The following FAM200B variants were observed in gnomAD, a reference collection of about 807,000 sequenced individuals.
The protein encoded by FAM200B is zinc finger BED-type containing 11, also known as protein FAM200B.
FAM200B carries 32 observed loss-of-function variants against 33.1 expected under a neutral mutation model. The ratio of observed to expected loss-of-function variants is 0.97; its 90% CI spans 0.73 to 1.30. FAM200B has a LOEUF of 1.30. Ranked by LOEUF, FAM200B falls within the 50% of genes most tolerant of loss-of-function variation. The pLI is 0.00. For synonymous variants in FAM200B, 240 were observed against 264.8 expected, an observed-to-expected ratio of 0.91 and a Z score of 0.91; for missense variants, 741 against 754.0, an observed-to-expected ratio of 0.98 and a Z score of 0.20.
chr4:15,650,050 G>A, the FAM200B span, among the ~76,000 whole-genome samples: 1 of 152,272 alleles, frequency 6.6e-6, no homozygotes, highest in East Asian at 1.9e-4. Flanking sequence ...CACCAAGGCA[G>A]TAATTTTGCC....
At chr4:15,640,393 G>GAAAAA in the FAM200B span, among the ~76,000 whole-genome samples, 246 of 91,572 alleles carry the variant, frequency 2.7e-3, 6 homozygotes, top group Middle Eastern at 7.0e-3. Context: ...CTACACTACT[G>GAAAAA]AAAAAAAAAA....
At chr4:15,664,730 G>T in the FAM200B span, among the ~76,000 whole-genome samples, 1 of 151,612 alleles carries the variant, frequency 6.6e-6, no homozygotes, top group African/African-American at 2.4e-5. Context: ...GCTAACTTTT[G>T]TATTTTTTAG....
chr4:15,655,582 T>TCTTTC, the FAM200B span, among the ~76,000 whole-genome samples: 1 of 152,196 alleles, frequency 6.6e-6, no homozygotes, highest in Non-Finnish European at 1.5e-5. Flanking sequence ...TTTCCCTGTT[T>TCTTTC]CTTTCACTAC....
the FAM200B span, among the ~76,000 whole-genome samples, chr4:15,664,258 G>C: frequency 1.3e-5 from 2 of 152,050 alleles, no homozygotes; most frequent in African/African-American, 4.8e-5. Flanking sequence ...TACAGACCTA[G>C]TATGGGCCCT....
chr4:15,684,089 A>T (rs986377123), intron 1 of FAM200B, among the ~76,000 whole-genome samples: 2 of 152,248 alleles, frequency 1.3e-5, no homozygotes, highest in African/African-American at 4.8e-5. Flanking sequence ...GAATAAAGTT[A>T]TTACTTGGAA....
chr4:15,668,108 A>AATG, the FAM200B span, among the ~76,000 whole-genome samples: 2 of 151,966 alleles, frequency 1.3e-5, no homozygotes, highest in Non-Finnish European at 2.9e-5. Context: ...TGATTGTAAC[A>AATG]ATTAAAATTT....
chr4:15,648,378 T>C, the FAM200B span, among the ~76,000 whole-genome samples: 14 of 152,320 alleles, frequency 9.2e-5, no homozygotes, highest in African/African-American at 3.1e-4. Context: ...ATCCCATTCC[T>C]GAGTATATGT....
chr4:15,680,908 A>T (rs1718222746), upstream of FAM200B, among the ~76,000 whole-genome samples: 1 of 148,872 alleles, frequency 6.7e-6, no homozygotes, highest in Non-Finnish European at 1.5e-5. Flanking sequence ...AGCAGTATAT[A>T]TTATATATAT....
At chr4:15,647,839 A>T in the FAM200B span, among the ~76,000 whole-genome samples, 1 of 152,154 alleles carries the variant, frequency 6.6e-6, no homozygotes, top group East Asian at 1.9e-4. Context: ...AATAATATTA[A>T]CTACTTCACA....
At chr4:15,681,656 C>T (rs1363525782), upstream of FAM200B, 1 of 152,534 alleles carries the variant, frequency 6.6e-6, no homozygotes, top group Non-Finnish European at 1.5e-5. Flanking sequence ...AGACTGCCGA[C>T]AGAGCGTAGG....
At chr4:15,656,161 G>A in the FAM200B span, 70 of 456,030 alleles carry the variant, frequency 1.5e-4, no homozygotes, top group African/African-American at 1.3e-3. Flanking sequence ...AGGTTGGTGC[G>A]GGAAAGAACC....
rs1209791261 is a variant in FAM200B at position 15,682,333 on chromosome 4, A to G, written c.-743+432A>G. ...TTCCAGTGCCTTCAGGAAGGTATCC[A>G]GCCTTAAAGATGCTTTTTTTAAATA... is the stretch of plus-strand genomic sequence containing the variant. On this transcript the variant is annotated intron_variant, in intron 1 of 1. Coordinates refer to ENST00000422728, the MANE Select transcript of FAM200B (RefSeq NM_001145191.2). 2.6e-5 allele frequency among the ~76,000 whole-genome samples: 4 copies of G among 152,256 alleles called. No individual in the cohort carries two copies. In the East Asian group the frequency reaches 7.7e-4, roughly 29 times the overall value.
chr4:15,644,561 T>A, the FAM200B span: 1 of 1,614,130 alleles, frequency 6.2e-7, no homozygotes, highest in Non-Finnish European at 8.5e-7. Flanking sequence ...GAATGTACAT[T>A]ATAAATGGTC....
the FAM200B span, among the ~76,000 whole-genome samples, chr4:15,665,392 A>G: frequency 6.6e-6 from 1 of 152,078 alleles, no homozygotes; most frequent in African/African-American, 2.4e-5. Context: ...TCTCTCCAAC[A>G]ACGGCTTATT....
At chr4:15,664,550 C>CTTTTTTTTTT in the FAM200B span, among the ~76,000 whole-genome samples, 1 of 75,522 alleles carries the variant, frequency 1.3e-5, no homozygotes, top group African/African-American at 5.3e-5. Flanking sequence ...GGCCCTCATC[C>CTTTTTTTTTT]TTTTTTTTTT....
At chr4:15,674,208 T>G in the FAM200B span, among the ~76,000 whole-genome samples, 49 of 151,920 alleles carry the variant, frequency 3.2e-4, no homozygotes, top group African/African-American at 1.1e-3. Flanking sequence ...CATCGTGTTT[T>G]TTTTTTTTTT....
At chr4:15,659,816 G>A in the FAM200B span, 1 of 805,580 alleles carries the variant, frequency 1.2e-6, no homozygotes, top group South Asian at 5.6e-5. Flanking sequence ...CTGACTTGTA[G>A]GGAGAAAGAA....
At chr4:15,659,019 C>T in the FAM200B span, among the ~76,000 whole-genome samples, 9,732 of 152,232 alleles carry the variant, frequency 0.064, 539 homozygotes, top group East Asian at 0.22. Flanking sequence ...TCCACCCCAT[C>T]CTTAATCAGC....
chr4:15,654,415 T>A, the FAM200B span, among the ~76,000 whole-genome samples: 2 of 152,246 alleles, frequency 1.3e-5, no homozygotes, highest in Non-Finnish European at 2.9e-5. Context: ...CAGCTTATGC[T>A]GCACCAATTA....
Sources: allele counts gnomAD v4.1 joint callset (sites outside exome capture counted in the v4.1 genomes callset), GRCh38; gene constraint gnomAD v4.1.1; transcripts MANE v1.5; gene names NCBI Gene and HGNC (gene_info 2026-07-23, HGNC 2026-07-21).